The following SGCG variants were observed in gnomAD, a reference collection of about 807,000 sequenced individuals.
SGCG encodes the protein gamma-sarcoglycan.
SGCG carries 26 observed loss-of-function variants against 29.3 expected under a neutral mutation model. The observed-to-expected ratio is 0.89, with a 90% CI of 0.65 to 1.23. The LOEUF (loss-of-function observed/expected upper bound fraction) is 1.23. Ranked by LOEUF, SGCG falls within the 50% of genes most tolerant of loss-of-function variation. The pLI, the probability that SGCG is intolerant of heterozygous loss-of-function variation, is 0.00. For synonymous variants in SGCG, 145 were observed against 129.7 expected, an observed-to-expected ratio of 1.12 and a Z score of -0.80; for missense variants, 353 against 356.0, an observed-to-expected ratio of 0.99 and a Z score of 0.07.
chr13:23,234,370 A>G (rs1273954401), intron 2 of SGCG, among the ~76,000 whole-genome samples: 2 of 152,100 alleles, frequency 1.3e-5, no homozygotes, highest in African/African-American at 4.8e-5. Context: ...TGGGCTCTTG[A>G]GTATTATAAA....
chr13:23,310,366 G>A (rs370581239), intron 6 of SGCG, among the ~76,000 whole-genome samples: 65 of 152,172 alleles, frequency 4.3e-4, no homozygotes, highest in Admixed American at 8.5e-4. Context: ...GATTACAGGC[G>A]TGAGCCACCG....
At chr13:23,232,167 G>A (rs1337536328) in intron 2 of SGCG, among the ~76,000 whole-genome samples, 1 of 151,914 alleles carries the variant, frequency 6.6e-6, no homozygotes, top group African/African-American at 2.4e-5. Flanking sequence ...AGTATGGGAG[G>A]TAGCTGCACC....
chr13:23,212,976 A>G (rs1487730288), intron 2 of SGCG, among the ~76,000 whole-genome samples: 1 of 152,186 alleles, frequency 6.6e-6, no homozygotes, highest in African/African-American at 2.4e-5. Context: ...TGATATAGAT[A>G]GAGGCATTCC....
At chr13:23,194,819 A>C (rs7326975) in intron 1 of SGCG, among the ~76,000 whole-genome samples, 69,802 of 151,988 alleles carry the variant, frequency 0.46, 16,188 homozygotes, top group Admixed American at 0.51. Context: ...CTAGGGACAG[A>C]CAAGAAAACA....
intron 2 of SGCG, among the ~76,000 whole-genome samples, chr13:23,205,988 C>T (rs1385418135): frequency 6.6e-6 from 1 of 152,134 alleles, no homozygotes; most frequent in Non-Finnish European, 1.5e-5. Flanking sequence ...TCATTATTCT[C>T]AATGTGGAAT....
chr13:23,282,765 G>A (rs1183730880), intron 5 of SGCG, among the ~76,000 whole-genome samples: 1 of 152,142 alleles, frequency 6.6e-6, no homozygotes. Context: ...TTGAACCTCA[G>A]CATTGTTAAC....
In SGCG at chr13:23,222,858, A is replaced by C. The variant is rs115501823; in HGVS notation, c.196-11753A>C. On this transcript the variant is annotated intron_variant, in intron 2 of 7. Coordinates refer to ENST00000218867, the MANE Select transcript of SGCG (RefSeq NM_000231.3). ...AAATAGAAAGAAAAGCATTTCTTAT[A>C]CTTTGAAACTTCCATGGGCATTTTT... Among the ~76,000 whole-genome samples, 1,410 of 152,140 alleles carry C rather than the reference A, an allele frequency of 9.3e-3. 26 individuals carry two copies. Among genetic ancestry groups the C allele is most frequent in the African/African-American group, 0.032 (1,344 of 41,500 alleles).
the SGCG span, among the ~76,000 whole-genome samples, chr13:23,168,332 T>A: frequency 6.6e-6 from 1 of 152,198 alleles, no homozygotes; most frequent in Non-Finnish European, 1.5e-5. Context: ...TATTTAAATA[T>A]GAGAAATTTT....
intron 4 of SGCG, among the ~76,000 whole-genome samples, chr13:23,255,955 C>A (rs1034595078): frequency 2.0e-5 from 3 of 152,196 alleles, no homozygotes; most frequent in African/African-American, 7.2e-5. Flanking sequence ...AACCTGCTCA[C>A]ACACCCAGCA....
intron 2 of SGCG, among the ~76,000 whole-genome samples, chr13:23,211,209 G>A (rs1878192357): frequency 6.6e-6 from 1 of 152,154 alleles, no homozygotes; most frequent in African/African-American, 2.4e-5. Context: ...TCTTCCTGGT[G>A]GGATTGCCTA....
At chr13:23,303,976 A>G (rs1280267824) in intron 6 of SGCG, among the ~76,000 whole-genome samples, 2 of 152,134 alleles carry the variant, frequency 1.3e-5, no homozygotes, top group Admixed American at 1.3e-4. Flanking sequence ...ATTACATCTC[A>G]TTATAGTTTA....
At chr13:23,239,219 A>G (rs2137551100) in intron 3 of SGCG, among the ~76,000 whole-genome samples, 1 of 152,258 alleles carries the variant, frequency 6.6e-6, no homozygotes, top group Middle Eastern at 3.4e-3. Context: ...AAAGCCTTAG[A>G]AGTAGCTAGA....
chr13:23,188,119 C>A (rs921812025), intron 1 of SGCG, among the ~76,000 whole-genome samples: 3 of 152,176 alleles, frequency 2.0e-5, no homozygotes, highest in South Asian at 2.1e-4. Context: ...AAGGCCAGAA[C>A]CTGAAGTGGT....
At chr13:23,270,316 A>C (rs1317968638) in intron 4 of SGCG, among the ~76,000 whole-genome samples, 1 of 152,180 alleles carries the variant, frequency 6.6e-6, no homozygotes, top group African/African-American at 2.4e-5. Context: ...GCGGTGTAGG[A>C]GAGTATATTT....
upstream of SGCG, among the ~76,000 whole-genome samples, chr13:23,180,292 C>A (rs1251294026): frequency 1.3e-5 from 2 of 152,160 alleles, no homozygotes; most frequent in Admixed American, 1.3e-4. Flanking sequence ...CTTAAATAAA[C>A]ATAAAGACAA....
At chr13:23,302,082 A>G (rs2137657497) in intron 6 of SGCG, among the ~76,000 whole-genome samples, 1 of 152,176 alleles carries the variant, frequency 6.6e-6, no homozygotes, top group Middle Eastern at 3.4e-3. Context: ...TTTGATGCCC[A>G]CCATCAAAGA....
intron 6 of SGCG, among the ~76,000 whole-genome samples, chr13:23,309,242 A>C (rs759553296): frequency 9.2e-5 from 14 of 152,234 alleles, no homozygotes; most frequent in Admixed American, 3.9e-4. Context: ...AAATACATAC[A>C]TATGCCGAGA....
chr13:23,235,437 TTACAGATTATGATCC>T (rs1249416608), intron 3 of SGCG, among the ~76,000 whole-genome samples: 2 of 152,176 alleles, frequency 1.3e-5, no homozygotes, highest in African/African-American at 4.8e-5. Context: ...ATTATACTAA[TTACAGATTATGATCC>T]TGTAAGATTC....
chr13:23,315,516 G>GGAAGAGAA (rs1341488915), intron 6 of SGCG, among the ~76,000 whole-genome samples: 1 of 152,158 alleles, frequency 6.6e-6, no homozygotes, highest in Non-Finnish European at 1.5e-5. Flanking sequence ...AGTTGAGAGA[G>GGAAGAGAA]GAAGAGAAGA....
Sources: allele counts gnomAD v4.1 joint callset (sites outside exome capture counted in the v4.1 genomes callset), GRCh38; gene constraint gnomAD v4.1.1; transcripts MANE v1.5; gene names NCBI Gene and HGNC (gene_info 2026-07-23, HGNC 2026-07-21).